Variants in SLC1A6 observed in about 807,000 individuals in gnomAD.
SLC1A6 encodes excitatory amino acid transporter 4.
Under a neutral mutation model 42.1 loss-of-function variants are expected in SLC1A6, and 15 were observed. The ratio of observed to expected loss-of-function variants is 0.36; its 90% confidence interval spans 0.24 to 0.55. SLC1A6 has a LOEUF of 0.55. Among genes scored for constraint, SLC1A6 ranks in the 20% least tolerant of loss-of-function variants. The pLI is 0.88. For missense variants in SLC1A6, 542 were observed against 772.5 expected, an observed-to-expected ratio of 0.70 and a Z score of 3.54; for synonymous variants, 317 against 319.7, an observed-to-expected ratio of 0.99 and a Z score of 0.09.
chr19:14,962,424 T>C (rs1288597434), intron 5 of SLC1A6, 79 bp from the exon 6 acceptor site: 1 of 960,444 alleles, frequency 1.0e-6, no homozygotes, highest in Admixed American at 2.0e-5. Flanking sequence ...TTGAGACCAC[T>C]GATTCCCAGT....
chr19:14,992,874 C>G (rs762477578), intron 1 of SLC1A6, among the ~76,000 whole-genome samples: 1 of 152,020 alleles, frequency 6.6e-6, no homozygotes, highest in Admixed American at 6.6e-5. Context: ...AGTCTGAGAC[C>G]GAGGAATTGA....
chr19:14,990,227 G>A (rs1263626554), intron 1 of SLC1A6, among the ~76,000 whole-genome samples: 1 of 152,028 alleles, frequency 6.6e-6, no homozygotes, highest in Non-Finnish European at 1.5e-5. Context: ...GCAGTTGTAA[G>A]AAAAGAAAAT....
chr19:14,974,910 T>C (rs2045686225), intron 1 of SLC1A6: 1 of 151,396 alleles, frequency 6.6e-6, no homozygotes, highest in South Asian at 2.1e-4. Context: ...GGAGTGCAGC[T>C]CACTGCAGCC....
rs559086981 is a variant in SLC1A6 at position 14,997,224 on chromosome 19, G to T, written c.6+13261C>A. ...GAAACTCAAAAGAATGCAACCATTT[G>T]TCTCTTACCTACCTATGACCTGGAA... On this transcript the variant is annotated intron_variant, in intron 1 of 8. Coordinates refer to the SLC1A6 transcript ENST00000430939. Among the ~76,000 whole-genome samples, 887 of 152,190 alleles carry T rather than the reference G, an allele frequency of 5.8e-3. 3 individuals are homozygous for T. The highest frequency in any genetic ancestry group is 9.3e-3 in the Non-Finnish European group (633 of 68,016).
chr19:15,002,534 A>G (rs6511999), intron 1 of SLC1A6, among the ~76,000 whole-genome samples: 129,430 of 152,188 alleles, frequency 0.85, 55,092 homozygotes, highest in East Asian at 0.92. Flanking sequence ...AGCATCTATC[A>G]TGTTTGCCAT....
intron 1 of SLC1A6, among the ~76,000 whole-genome samples, chr19:14,990,651 C>T (rs1275101394): frequency 2.0e-5 from 3 of 152,040 alleles, no homozygotes; most frequent in Non-Finnish European, 4.4e-5. Context: ...CACCTATAAT[C>T]GCAGCTACTT....
At chr19:14,963,771 C>T (rs2045541965) in intron 5 of SLC1A6, among the ~76,000 whole-genome samples, 1 of 151,896 alleles carries the variant, frequency 6.6e-6, no homozygotes, top group Admixed American at 6.6e-5. Context: ...TCTGGAATCT[C>T]TACACCAGCC....
At chr19:14,954,945 C>G (rs1230928699) in intron 7 of SLC1A6, among the ~76,000 whole-genome samples, 3 of 152,160 alleles carry the variant, frequency 2.0e-5, no homozygotes, top group African/African-American at 7.2e-5. Context: ...AGGGAGGGCC[C>G]CTACTCCAGA....
At chr19:14,964,532 T>A (rs2045551943) in intron 4 of SLC1A6, among the ~76,000 whole-genome samples, 171 bp from the exon 5 acceptor site, 2 of 152,032 alleles carry the variant, frequency 1.3e-5, no homozygotes, top group African/African-American at 4.8e-5. Flanking sequence ...AACACTACAA[T>A]AACCCTAGAC....
Position 14,956,581 on chromosome 19 carries a change from C to T in SLC1A6, c.1064G>A (p.Gly355Asp). 6.2e-7 allele frequency: 1 copy of T among 1,613,800 alleles called. No individual in the cohort carries two copies. The highest frequency in any genetic ancestry group is 8.5e-7 in the Non-Finnish European group (1 of 1,179,878). The change falls in exon 7 of 10, where the codon GGC becomes GAC. Residue 355 changes from glycine (G) to aspartate (D), a missense_variant. Transcript: ENST00000594383. ...TVIVGLFLHAGIVLPLIYFLV... is the reference protein window; with the variant it reads ...TVIVGLFLHADIVLPLIYFLV... ...GAAGTAGATGAGGGGAAGGACAATG[C>T]CGGCATGGAGGAACAGGCCCACGAT...
intron 1 of SLC1A6, among the ~76,000 whole-genome samples, chr19:15,009,752 C>T (rs1379446675): frequency 1.3e-5 from 2 of 152,100 alleles, no homozygotes; most frequent in African/African-American, 4.8e-5. Context: ...ATCCCAAATC[C>T]ATAAAAATAA....
At chr19:14,967,950 G>C (rs917111145) in intron 4 of SLC1A6, among the ~76,000 whole-genome samples, 2 of 152,138 alleles carry the variant, frequency 1.3e-5, no homozygotes, top group Non-Finnish European at 2.9e-5. Context: ...ACCTTTTGAT[G>C]TATAAAGCCT....
chr19:14,951,266 A>AC (rs1437523246), intron 9 of SLC1A6, among the ~76,000 whole-genome samples: 2 of 126,252 alleles, frequency 1.6e-5, no homozygotes, highest in Non-Finnish European at 3.3e-5. Context: ...AAAAAAAAAA[A>AC]AAAAAAAAAA....
chr19:14,976,217 C>G (rs920273012), intron 1 of SLC1A6, among the ~76,000 whole-genome samples: 74 of 152,294 alleles, frequency 4.9e-4, no homozygotes, highest in African/African-American at 1.7e-3. Context: ...AAAAGGATAT[C>G]TGCACTGGCA....
chr19:14,997,993 A>C (rs1044396558), intron 1 of SLC1A6, among the ~76,000 whole-genome samples: 1 of 113,250 alleles, frequency 8.8e-6, no homozygotes, highest in African/African-American at 3.3e-5. Context: ...TATGATGTAC[A>C]ATATGATGTT....
At chr19:14,961,932 C>T (rs535422963) in intron 6 of SLC1A6, 70 bp downstream of exon 6, 101 of 1,528,716 alleles carry the variant, frequency 6.6e-5, no homozygotes, top group East Asian at 6.8e-5. Flanking sequence ...GCAAGCCCTT[C>T]GGCAGCTTCC....
intron 4 of SLC1A6, among the ~76,000 whole-genome samples, chr19:14,964,889 C>T (rs1290087698): frequency 6.6e-6 from 1 of 152,176 alleles, no homozygotes; most frequent in African/African-American, 2.4e-5. Flanking sequence ...ACCTTAACCC[C>T]AGCTAGAACA....
At chr19:14,989,473 C>A (rs1408857575) in intron 1 of SLC1A6, among the ~76,000 whole-genome samples, 1 of 151,822 alleles carries the variant, frequency 6.6e-6, no homozygotes, top group Non-Finnish European at 1.5e-5. Flanking sequence ...GTTGGTCAGG[C>A]TGGTCTTGAA....
In SLC1A6 at chr19:14,996,567, C is replaced by CTTCTTCTTCTTCTTA. The variant is rs1214405552; in HGVS notation, c.6+13917_6+13918insTAAGAAGAAGAAGAA. Among the ~76,000 whole-genome samples the CTTCTTCTTCTTCTTA allele has an allele frequency of 1.7e-4, 26 of 150,478 alleles. 1 individual carries two copies. The highest frequency in any genetic ancestry group is 3.2e-4 in the Non-Finnish European group (22 of 67,786). Reference sequence around the variant, plus strand: ...TCTTCTTCTTCTTCTTCTTGTTCTTCTTCCTCTTCTTCTTCTTCCTCTCAT... The same window carrying CTTCTTCTTCTTCTTA: ...TCTTCTTCTTCTTCTTCTTGTTCTTCTTCTTCTTCTTCTTATTCCTCTTCTTCTTCTTCCTCTCAT... On this transcript the variant is annotated intron_variant, in intron 1 of 8. Transcript: ENST00000430939.
Sources: allele counts gnomAD v4.1 joint callset (sites outside exome capture counted in the v4.1 genomes callset), GRCh38; gene constraint gnomAD v4.1.1; transcripts MANE v1.5; gene names NCBI Gene and HGNC (gene_info 2026-07-23, HGNC 2026-07-21).